The following MYH10 variants were observed in gnomAD, a reference collection of about 807,000 sequenced individuals.
MYH10 encodes the protein myosin heavy chain 10.
A neutral mutation model predicts 257.8 loss-of-function variants in MYH10; 55 were observed. The ratio of observed to expected loss-of-function variants is 0.21; its 90% CI spans 0.17 to 0.27. The LOEUF is 0.27. MYH10 is among the 10% of genes least tolerant of loss of function. MYH10 has a pLI of 1.00. For missense variants in MYH10, 1,631 were observed against 2,500.6 expected, an observed-to-expected ratio of 0.65 and a Z score of 7.42; for synonymous variants, 854 against 921.7, an observed-to-expected ratio of 0.93 and a Z score of 1.33.
Position 8,476,948 on chromosome 17 carries a change from C to T in MYH10, c.5807G>A (p.Arg1936Gln), listed in dbSNP as rs549746103. ...RANASRRKLQ[R>Q]ELDDATEANE... ...GGCCTCGGTGGCATCATCCAGTTCC[C>T]GCTGGAGTTTACGCCGAGATGCGTT... The change falls in exon 42 of 43, where the codon CGG (arginine) becomes CAG (glutamine). Residue 1936 changes from arginine (R) to glutamine (Q), a missense_variant. Arg to Gln is a conservative substitution (Grantham distance 43). Transcript: ENST00000360416. 4 of 1,613,788 alleles carry T rather than the reference C, an allele frequency of 2.5e-6. No homozygotes were observed. The highest frequency in any genetic ancestry group is 2.2e-5 in the East Asian group (1 of 44,888).
rs754806170 is a variant in MYH10, at chr17:8,481,365, T to C, written c.5221A>G (p.Arg1741Gly). Residue 1741 changes from arginine to glycine, a missense_variant, in exon 38 of 43, where the codon AGA becomes GGA. Physicochemically the swap from Arg to Gly is moderately radical, Grantham distance 125. Coordinates refer to ENST00000360416, the MANE Select transcript of MYH10 (RefSeq NM_001256012.3). ...GTGATCTCGTCCGCCAGCTCATCTC[T>C]CTCCTGCTCGGCGTGTCGGCGGGCT... Reference protein sequence around the residue: ...ERARRHAEQERDELADEITNS... With the variant: ...ERARRHAEQEGDELADEITNS... The C allele has an allele frequency of 6.2e-7, 1 of 1,613,952 alleles. No individual in the cohort carries two copies. The highest frequency in any genetic ancestry group is 1.3e-5 in the African/African-American group (1 of 74,916).
At chr17:8,616,645 A>T (rs2085272610) in intron 2 of MYH10, among the ~76,000 whole-genome samples, 1 of 152,076 alleles carries the variant, frequency 6.6e-6, no homozygotes, top group African/African-American at 2.4e-5. Flanking sequence ...AACTAAATAA[A>T]TGAGTTTACC....
At chr17:8,595,310 C>T (rs1354030419) in intron 3 of MYH10, among the ~76,000 whole-genome samples, 3 of 151,962 alleles carry the variant, frequency 2.0e-5, no homozygotes, top group African/African-American at 4.8e-5. Context: ...CTTATGAAAT[C>T]GCCATTTCAC....
intron 3 of MYH10, among the ~76,000 whole-genome samples, chr17:8,602,522 C>T (rs1166480655): frequency 6.6e-6 from 1 of 152,224 alleles, no homozygotes; most frequent in Non-Finnish European, 1.5e-5. Flanking sequence ...CTGACTAGCC[C>T]TGCAGATGCC....
chr17:8,558,402 C>T (rs2151976555), intron 7 of MYH10, among the ~76,000 whole-genome samples: 1 of 152,206 alleles, frequency 6.6e-6, no homozygotes, highest in South Asian at 2.1e-4. Flanking sequence ...CCAGCCGAGC[C>T]TACCAATCTT....
intron 6 of MYH10, among the ~76,000 whole-genome samples, chr17:8,573,538 G>A (rs913957656): frequency 6.6e-6 from 1 of 152,150 alleles, no homozygotes; most frequent in Non-Finnish European, 1.5e-5. Context: ...GAACTTAATC[G>A]ATTATTTTCA....
intron 30 of MYH10, among the ~76,000 whole-genome samples, chr17:8,496,896 TG>T (rs1200949837): frequency 6.6e-6 from 1 of 152,186 alleles, no homozygotes; most frequent in East Asian, 1.9e-4. Flanking sequence ...ACGTTTCTTC[TG>T]GGAGTCTGCA....
At chr17:8,594,975 C>T (rs2084306392) in intron 3 of MYH10, among the ~76,000 whole-genome samples, 1 of 152,140 alleles carries the variant, frequency 6.6e-6, no homozygotes, top group South Asian at 2.1e-4. Context: ...ATACAGAGGG[C>T]CAACTGTACA....
rs146096474 is a variant in MYH10 at position 8,626,319 on chromosome 17, G to A, written c.-31-3042C>T. Among the ~76,000 whole-genome samples the A allele has an allele frequency of 1.2e-3, 175 of 152,148 alleles. 1 individual carries two copies. Among genetic ancestry groups the A allele is most frequent in the Middle Eastern group, 6.8e-3 (2 of 294 alleles). ...GGTGGCTCACGCCTGTAATCCCAGC[G>A]CTTTGGGAGGGCGAGGCAGGTAGAT... On this transcript the variant is annotated intron_variant, in intron 1 of 42. Transcript: ENST00000360416.
intron 3 of MYH10, 97 bp from the exon 4 acceptor site, chr17:8,589,205 A>AT: frequency 7.9e-7 from 1 of 1,268,202 alleles, no homozygotes; most frequent in Non-Finnish European, 1.1e-6. Flanking sequence ...AGCCTATAAA[A>AT]TATTAGTAAC....
chr17:8,545,379 T>TA lies in MYH10; in HGVS notation c.1431+68dup. The TA allele has an allele frequency of 1.3e-6, 2 of 1,563,914 alleles. No homozygotes were observed. Among genetic ancestry groups the TA allele is most frequent in the African/African-American group, 2.7e-5 (2 of 73,168 alleles). ...TGCCTCGTATGTACTGGGCACACAG[T>TA]AAGCCTTCATATTTGTTAAAAGAAC... On this transcript the variant is annotated intron_variant, in intron 13 of 42. Transcript: ENST00000360416. The surrounding 1 kb of genome is among the most constrained non-coding windows in gnomAD (Gnocchi z 4.7).
At position 8,475,219 on chromosome 17, in the gene MYH10, G is replaced by A. The variant is rs536778868; in HGVS notation, c.*585C>T. 6.5e-6 allele frequency: 1 copy of A among 153,064 alleles called. No homozygotes were observed. Among genetic ancestry groups the A allele is most frequent in the Admixed American group, 6.5e-5 (1 of 15,398 alleles). 9.5% of individuals were successfully genotyped at this position (153,064 alleles called of 1,614,324 possible). ...GGGGATGGACATGGTAACCCCAAATGGGTGTTGCTTCCGATCCAGCCCACC... is the reference window on the plus strand; with the variant it reads ...GGGGATGGACATGGTAACCCCAAATAGGTGTTGCTTCCGATCCAGCCCACC... On this transcript the variant is annotated 3_prime_UTR_variant, in exon 43 of 43. Transcript: ENST00000360416.
In MYH10 at chr17:8,535,724, T is replaced by A. The variant is rs749454369; in HGVS notation, c.1779+34A>T. 6.3e-7 allele frequency: 1 copy of A among 1,590,724 alleles called. No homozygotes were observed. Among genetic ancestry groups the A allele is most frequent in the African/African-American group, 1.4e-5 (1 of 73,880 alleles). On this transcript the variant is annotated intron_variant, in intron 15 of 42. Coordinates refer to ENST00000360416, the MANE Select transcript of MYH10 (RefSeq NM_001256012.3). This position sits in a 1 kb window ranked among gnomAD's most constrained non-coding sequence, Gnocchi z 4.3. ...TGTAGCAAAATTTCAAACACAGCCA[T>A]TTTAATCCAGTTATTCAACATAAGA...
At chr17:8,590,079 T>G (rs1412107178) in intron 3 of MYH10, among the ~76,000 whole-genome samples, 1 of 152,176 alleles carries the variant, frequency 6.6e-6, no homozygotes, top group Admixed American at 6.5e-5. Flanking sequence ...CAAGTAGCTT[T>G]TTTGCTGCTT....
At chr17:8,482,658 G>C (rs1247002205) in intron 37 of MYH10, among the ~76,000 whole-genome samples, 3 of 152,212 alleles carry the variant, frequency 2.0e-5, no homozygotes, top group African/African-American at 7.2e-5. Context: ...TTTGAGGGAA[G>C]GAAAAGTGTC....
At chr17:8,572,716 G>A (rs2083389257) in intron 6 of MYH10, among the ~76,000 whole-genome samples, 1 of 152,054 alleles carries the variant, frequency 6.6e-6, no homozygotes, top group Non-Finnish European at 1.5e-5. Context: ...GCACTCCTCC[G>A]TCCCTGTTGC....
intron 37 of MYH10, 56 bp from the exon 38 acceptor site, chr17:8,481,466 A>C: frequency 6.6e-7 from 1 of 1,504,164 alleles, no homozygotes; most frequent in Non-Finnish European, 9.2e-7. Flanking sequence ...TCACCTGTGG[A>C]ATCTGACAGT....
intron 4 of MYH10, among the ~76,000 whole-genome samples, chr17:8,587,531 A>C (rs549161598): frequency 5.7e-4 from 86 of 152,082 alleles, no homozygotes; most frequent in Non-Finnish European, 9.3e-4. Context: ...CCCCACCCCT[A>C]CTTACCCGCA....
chr17:8,628,456 C>T (rs966820079), intron 1 of MYH10, among the ~76,000 whole-genome samples: 5 of 152,132 alleles, frequency 3.3e-5, no homozygotes, highest in African/African-American at 1.2e-4. Flanking sequence ...ATTTTATGAA[C>T]GGCCTGCACA....
Sources: allele counts gnomAD v4.1 joint callset (sites outside exome capture counted in the v4.1 genomes callset), GRCh38; gene constraint gnomAD v4.1.1; non-coding constraint Gnocchi (gnomAD v3.1); transcripts MANE v1.5; gene names NCBI Gene and HGNC (gene_info 2026-07-23, HGNC 2026-07-21).